KCNIP4: variants seen among roughly 807,000 people sequenced by gnomAD.
The protein encoded by KCNIP4 is potassium voltage-gated channel interacting protein 4.
In KCNIP4, 12 loss-of-function variants were observed where a neutral mutation model predicts 34.0. The observed-to-expected ratio is 0.35, with a 90% CI of 0.23 to 0.57. The LOEUF (loss-of-function observed/expected upper bound fraction) is 0.57. Among genes scored for constraint, KCNIP4 ranks in the 20% least tolerant of loss-of-function variants. KCNIP4 has a pLI of 0.83. For synonymous variants in KCNIP4, 124 were observed against 102.2 expected (o/e 1.21, Z -1.29); for missense variants, 238 against 311.7 (o/e 0.76, Z 1.78).
chr4:21,848,833 C>T (rs2109332354), intron 1 of KCNIP4: 1 of 152,092 alleles, frequency 6.6e-6, no homozygotes, highest in African/African-American at 2.4e-5. Flanking sequence ...AAAATATGTT[C>T]ACTCTGGTAG....
At chr4:21,844,444 C>G (rs1438383684) in intron 1 of KCNIP4, 1 of 152,056 alleles carries the variant, frequency 6.6e-6, no homozygotes, top group Admixed American at 6.6e-5. Flanking sequence ...GCACAACAAT[C>G]TGACAGTCAA....
intron 1 of KCNIP4, among the ~76,000 whole-genome samples, chr4:21,379,458 G>T (rs772976622): frequency 2.6e-5 from 4 of 152,066 alleles, no homozygotes; most frequent in Non-Finnish European, 5.9e-5. Context: ...AAATCCTCAC[G>T]TGGCTTTGCC....
chr4:20,983,767 T>C (rs1305840386), intron 1 of KCNIP4: 2 of 1,477,478 alleles, frequency 1.4e-6, no homozygotes, highest in Non-Finnish European at 1.8e-6. Flanking sequence ...TGTATCTACT[T>C]CTAAACCAGA....
At chr4:21,508,772 A>C (rs16871286) in intron 1 of KCNIP4, among the ~76,000 whole-genome samples, 9,160 of 152,248 alleles carry the variant, frequency 0.06, 838 homozygotes, top group African/African-American at 0.2. Context: ...GATGAAAACT[A>C]TGAACAGCAA....
At chr4:20,777,714 G>T (rs1216614203) in intron 3 of KCNIP4, among the ~76,000 whole-genome samples, 2 of 152,162 alleles carry the variant, frequency 1.3e-5, no homozygotes, top group African/African-American at 4.8e-5. Flanking sequence ...AGAAAAAGTG[G>T]AGGTTGTAGA....
chr4:21,123,314 G>A (rs901508286), intron 1 of KCNIP4, among the ~76,000 whole-genome samples: 1 of 152,038 alleles, frequency 6.6e-6, no homozygotes, highest in African/African-American at 2.4e-5. Flanking sequence ...ACTGTTCTAG[G>A]AACCTGGGAA....
chr4:21,511,347 C>CAA (rs1295536689), intron 1 of KCNIP4, among the ~76,000 whole-genome samples: 3 of 35,862 alleles, frequency 8.4e-5, no homozygotes, highest in Non-Finnish European at 1.4e-4. Flanking sequence ...CTCTTTAAAG[C>CAA]AATTTTATTT....
intron 1 of KCNIP4, among the ~76,000 whole-genome samples, chr4:21,277,424 T>G (rs944874726): frequency 6.6e-5 from 10 of 152,192 alleles, no homozygotes; most frequent in African/African-American, 2.2e-4. Flanking sequence ...AAAATATATT[T>G]GATACCCTAG....
intron 1 of KCNIP4, among the ~76,000 whole-genome samples, chr4:21,801,179 T>A (rs1450718070): frequency 6.6e-6 from 1 of 152,212 alleles, no homozygotes; most frequent in Non-Finnish European, 1.5e-5. Context: ...TAGCTTCATG[T>A]CCAAAGCACT....
At chr4:21,085,725 A>C (rs1306796957) in intron 1 of KCNIP4, among the ~76,000 whole-genome samples, 1 of 152,214 alleles carries the variant, frequency 6.6e-6, no homozygotes, top group Non-Finnish European at 1.5e-5. Flanking sequence ...GAGTGAGAAA[A>C]GCATAGAGAC....
chr4:21,481,766 CT>C lies in KCNIP4; in HGVS notation c.61+466804del, dbSNP rs1577435759. 3.3e-5 allele frequency among the ~76,000 whole-genome samples: 5 copies of C among 152,242 alleles called. No individual in the cohort carries two copies. The East Asian group carries it at 9.7e-4, about 29-fold the overall frequency. On this transcript the variant is annotated intron_variant, in intron 1 of 8. Coordinates refer to ENST00000382152, the MANE Select transcript of KCNIP4 (RefSeq NM_025221.6). ...ATTGAAATAACAAAGCCTTACCTCA[CT>C]TTTCTTTGCATGCCTATCTGCTTAT...
chr4:21,232,242 G>A (rs1486955949), intron 1 of KCNIP4, among the ~76,000 whole-genome samples: 1 of 152,072 alleles, frequency 6.6e-6, no homozygotes, highest in African/African-American at 2.4e-5. Flanking sequence ...TCTGAAAAAG[G>A]TGTTGTGCAC....
chr4:21,195,369 A>G (rs1755981587), intron 1 of KCNIP4, among the ~76,000 whole-genome samples: 1 of 152,234 alleles, frequency 6.6e-6, no homozygotes, highest in East Asian at 1.9e-4. Flanking sequence ...CAGGCTTCTA[A>G]AGTTTTGGAA....
chr4:21,879,875 C>A (rs1054615296), intron 1 of KCNIP4, among the ~76,000 whole-genome samples: 11 of 152,024 alleles, frequency 7.2e-5, no homozygotes, highest in African/African-American at 2.4e-4. Context: ...GTCTCATGAT[C>A]GTAAGTTTTC....
intron 1 of KCNIP4, among the ~76,000 whole-genome samples, chr4:21,131,839 T>C (rs764425249): frequency 2.6e-5 from 4 of 152,242 alleles, no homozygotes; most frequent in Admixed American, 6.5e-5. Flanking sequence ...ATAAACAATA[T>C]GATAGATTTG....
At chr4:21,658,120 G>C (rs1748122624) in intron 1 of KCNIP4, among the ~76,000 whole-genome samples, 1 of 152,088 alleles carries the variant, frequency 6.6e-6, no homozygotes. Flanking sequence ...TTATAGGCGT[G>C]AGCCACCGCT....
chr4:21,234,796 C>A (rs530120070), intron 1 of KCNIP4, among the ~76,000 whole-genome samples: 2 of 151,440 alleles, frequency 1.3e-5, no homozygotes, highest in African/African-American at 2.4e-5. Context: ...TACAGGTGCC[C>A]GCTACCATGC....
intron 1 of KCNIP4, among the ~76,000 whole-genome samples, chr4:21,659,471 C>T (rs755058580): frequency 3.3e-5 from 5 of 152,086 alleles, no homozygotes; most frequent in South Asian, 2.1e-4. Context: ...AAAATAACAA[C>T]CTCTTAGCCT....
intron 1 of KCNIP4, among the ~76,000 whole-genome samples, chr4:21,464,987 T>C (rs1729787813): frequency 6.6e-6 from 1 of 152,090 alleles, no homozygotes; most frequent in Non-Finnish European, 1.5e-5. Flanking sequence ...AGTCACCAAA[T>C]ATTCTTGTGT....
Sources: allele counts gnomAD v4.1 joint callset (sites outside exome capture counted in the v4.1 genomes callset), GRCh38; gene constraint gnomAD v4.1.1; transcripts MANE v1.5; gene names NCBI Gene and HGNC (gene_info 2026-07-23, HGNC 2026-07-21).